GTF2F2: variants seen among roughly 807,000 people sequenced by gnomAD.
GTF2F2 encodes the protein ATP-dependent helicase GTF2F2.
A neutral mutation model predicts 42.2 loss-of-function variants in GTF2F2; 23 were observed. The observed-to-expected ratio is 0.55, with a 90% confidence interval of 0.39 to 0.77. The LOEUF is 0.77. GTF2F2 is among the 30% of genes least tolerant of loss of function. The pLI, the probability that GTF2F2 is intolerant of heterozygous loss-of-function variation, is 0.00. For missense variants in GTF2F2, 261 were observed against 287.2 expected (o/e 0.91, Z 0.66); for synonymous variants, 105 against 100.8 (o/e 1.04, Z -0.25).
chr13:45,270,168 A>G (rs1876729820), intron 7 of GTF2F2, among the ~76,000 whole-genome samples: 1 of 152,108 alleles, frequency 6.6e-6, no homozygotes, highest in South Asian at 2.1e-4. Flanking sequence ...TTGGCTAGAG[A>G]AACTTTGCTT....
chr13:45,123,791 A>ATTTT (rs201828514), intron 1 of GTF2F2, among the ~76,000 whole-genome samples: 2 of 136,062 alleles, frequency 1.5e-5, no homozygotes, highest in African/African-American at 5.5e-5. Flanking sequence ...GGAATTTTGA[A>ATTTT]TTTTTTTTTT....
intron 4 of GTF2F2, among the ~76,000 whole-genome samples, chr13:45,195,789 G>A (rs1042680377): frequency 5.3e-5 from 8 of 152,034 alleles, no homozygotes; most frequent in Non-Finnish European, 1.2e-4. Flanking sequence ...AATTATTCTG[G>A]GAAACTACAT....
chr13:45,240,096 G>A (rs1231296452), intron 5 of GTF2F2, among the ~76,000 whole-genome samples: 1 of 143,148 alleles, frequency 7.0e-6, no homozygotes, highest in Non-Finnish European at 1.5e-5. Context: ...GTATTATGTA[G>A]AGGGATTTTT....
chr13:45,138,752 T>G (rs1457302251), intron 2 of GTF2F2, among the ~76,000 whole-genome samples: 1 of 152,212 alleles, frequency 6.6e-6, no homozygotes, highest in East Asian at 1.9e-4. Flanking sequence ...TTCAAGCGAT[T>G]CTCCTGCCTT....
intron 2 of GTF2F2, among the ~76,000 whole-genome samples, chr13:45,142,203 G>T (rs180987883): frequency 6.6e-6 from 1 of 152,360 alleles, no homozygotes. Context: ...GTCTGGCTCT[G>T]TTGCCCAGGC....
At chr13:45,228,457 C>T (rs527549756) in intron 5 of GTF2F2, among the ~76,000 whole-genome samples, 4 of 147,470 alleles carry the variant, frequency 2.7e-5, no homozygotes, top group Middle Eastern at 3.7e-3. Context: ...TTTCATTTCT[C>T]GAGCAGTACC....
intron 4 of GTF2F2, among the ~76,000 whole-genome samples, chr13:45,172,826 A>G (rs1043456572): frequency 3.9e-5 from 6 of 152,168 alleles, no homozygotes; most frequent in African/African-American, 1.4e-4. Context: ...CCAGTACCAC[A>G]CAGTCTTGAT....
intron 5 of GTF2F2, among the ~76,000 whole-genome samples, chr13:45,219,043 TA>T (rs980553562): frequency 6.6e-6 from 1 of 151,652 alleles, no homozygotes; most frequent in Non-Finnish European, 1.5e-5. Context: ...TTGTTTTTTT[TA>T]AAAAAAAGGC....
At chr13:45,191,224 A>AAATATATGTATATATATATAT in intron 4 of GTF2F2, among the ~76,000 whole-genome samples, 1 of 75,346 alleles carries the variant, frequency 1.3e-5, no homozygotes, top group African/African-American at 1.0e-4. Flanking sequence ...ACAAAAAAAA[A>AAATATATGTATATATATATAT]ATATATATAT....
At chr13:45,177,070 G>A (rs568733234) in intron 4 of GTF2F2, among the ~76,000 whole-genome samples, 4 of 152,234 alleles carry the variant, frequency 2.6e-5, no homozygotes, top group African/African-American at 9.6e-5. Flanking sequence ...GATTACAGGC[G>A]TGAGCCACTG....
chr13:45,234,641 C>T (rs1420266596), intron 5 of GTF2F2, among the ~76,000 whole-genome samples: 1 of 152,096 alleles, frequency 6.6e-6, no homozygotes, highest in Non-Finnish European at 1.5e-5. Flanking sequence ...AAAAGAAAAA[C>T]TTGCATGTTG....
intron 4 of GTF2F2, among the ~76,000 whole-genome samples, chr13:45,181,173 C>CAAAAAAAAAAAAA (rs796598856): frequency 1.2e-5 from 1 of 82,310 alleles, no homozygotes; most frequent in African/African-American, 5.7e-5. Context: ...TCTCAAAAGA[C>CAAAAAAAAAAAAA]AAAAAAACAA....
intron 6 of GTF2F2, among the ~76,000 whole-genome samples, chr13:45,256,025 AT>A (rs1465878417): frequency 1.3e-5 from 2 of 152,194 alleles, no homozygotes; most frequent in African/African-American, 2.4e-5. Context: ...TCTCTCTATT[AT>A]TTAAGATAGG....
intron 4 of GTF2F2, among the ~76,000 whole-genome samples, chr13:45,186,109 G>A (rs1190593837): frequency 5.3e-5 from 8 of 151,766 alleles, no homozygotes; most frequent in Non-Finnish European, 7.4e-5. Context: ...CGAGTAGCTG[G>A]GATTACAGGC....
chr13:45,190,027 C>CT (rs1294202408), intron 4 of GTF2F2, among the ~76,000 whole-genome samples: 1 of 152,170 alleles, frequency 6.6e-6, no homozygotes, highest in Non-Finnish European at 1.5e-5. Context: ...TAAAGAGCTT[C>CT]TGCACAGCAA....
chr13:45,205,859 G>A (rs1306309481), intron 4 of GTF2F2, among the ~76,000 whole-genome samples: 2 of 151,980 alleles, frequency 1.3e-5, no homozygotes, highest in African/African-American at 4.8e-5. Context: ...TCCTTTATTG[G>A]ACTTTCCTTA....
intron 5 of GTF2F2, among the ~76,000 whole-genome samples, chr13:45,213,864 CGT>C (rs1336565167): frequency 6.6e-6 from 1 of 152,034 alleles, no homozygotes; most frequent in East Asian, 1.9e-4. Flanking sequence ...CACATGTGCA[CGT>C]GTCTCTTGCT....
rs1050144687 is a variant in GTF2F2 at position 45,143,100 on chromosome 13, A to G, written c.140+6294A>G. On this transcript the variant is annotated intron_variant, in intron 2 of 7. Transcript: ENST00000340473. ...AGACTAGGATAATCAGAAAGCTGGA[A>G]AAAAAAATTAATGTCTTATAAGGAA... Among the ~76,000 whole-genome samples, 4 of 70,246 alleles carry G rather than the reference A, an allele frequency of 5.7e-5. No homozygotes were observed. In the African/African-American group the frequency reaches 1.1e-3, roughly 19 times the overall value. 46.1% of individuals were successfully genotyped at this position (70,246 alleles called of 152,430 possible). A position where few individuals can be genotyped will look rare whatever the true frequency, so the allele number is the denominator to read the frequency against.
intron 1 of GTF2F2, among the ~76,000 whole-genome samples, chr13:45,121,775 T>C (rs114864558): frequency 0.01 from 1,540 of 152,330 alleles, 28 homozygotes; most frequent in African/African-American, 0.035. Context: ...ATGCATGACC[T>C]CTCATTCTTC....
Sources: allele counts gnomAD v4.1 joint callset (sites outside exome capture counted in the v4.1 genomes callset), GRCh38; gene constraint gnomAD v4.1.1; transcripts MANE v1.5; gene names NCBI Gene and HGNC (gene_info 2026-07-23, HGNC 2026-07-21).